DLC1: variants seen among roughly 807,000 people sequenced by gnomAD.
DLC1 encodes DLC1 Rho GTPase activating protein.
DLC1 carries 54 observed loss-of-function variants against 140.3 expected under a neutral mutation model. The ratio of observed to expected loss-of-function variants is 0.38; its 90% CI spans 0.31 to 0.48. DLC1 has a LOEUF of 0.48. Ranked by LOEUF, DLC1 falls within the 20% of genes least tolerant of loss-of-function variation. The probability of loss-of-function intolerance (pLI) is 0.96; values close to 1 mark genes in which losing one functional copy is unlikely to be tolerated. For synonymous variants in DLC1, 986 were observed against 728.1 expected, an observed-to-expected ratio of 1.35 and a Z score of -5.70; for missense variants, 2,536 against 1,907.0, an observed-to-expected ratio of 1.33 and a Z score of -6.14.
At chr8:13,343,408 T>C (rs1294225045) in intron 4 of DLC1, among the ~76,000 whole-genome samples, 4 of 152,138 alleles carry the variant, frequency 2.6e-5, no homozygotes, top group Non-Finnish European at 5.9e-5. Flanking sequence ...GATAACTGAA[T>C]GGAAAAAAGC....
At chr8:13,590,972 C>A (rs1349017621) in intron 1 of DLC1, among the ~76,000 whole-genome samples, 1 of 151,964 alleles carries the variant, frequency 6.6e-6, no homozygotes, top group Admixed American at 6.6e-5. Flanking sequence ...CCAATATTTT[C>A]TTCATTATAA....
chr8:13,181,153 A>G (rs1166500422), intron 5 of DLC1, among the ~76,000 whole-genome samples: 1 of 151,830 alleles, frequency 6.6e-6, no homozygotes, highest in Non-Finnish European at 1.5e-5. Flanking sequence ...TTTCTTGAAA[A>G]GAAACCCAGG....
rs183141443 is a variant in DLC1 at position 13,548,294 on chromosome 8, A to C, written c.-125-48098T>G. Among the ~76,000 whole-genome samples, 344 of 152,076 alleles carry C rather than the reference A, an allele frequency of 2.3e-3. 1 individual carries two copies. The highest frequency in any genetic ancestry group is 3.5e-3 in the Non-Finnish European group (237 of 67,936). On this transcript the variant is annotated intron_variant, in intron 1 of 1. Coordinates refer to the DLC1 transcript ENST00000631382. The stretch of plus-strand genomic sequence containing the variant: ...TGTTTCTATGGCATTATGTACTTGG[A>C]TATTGTCCATTTGTAACGCTCACAA...
At chr8:13,490,047 A>G (rs549121709) in intron 2 of DLC1, among the ~76,000 whole-genome samples, 15 of 63,552 alleles carry the variant, frequency 2.4e-4, no homozygotes, top group Admixed American at 1.6e-3. Flanking sequence ...CAAAGGTTAA[A>G]TACACCCCCC....
intron 1 of DLC1, among the ~76,000 whole-genome samples, chr8:13,593,994 T>C (rs7832721): frequency 0.042 from 6,382 of 151,984 alleles, 432 homozygotes; most frequent in African/African-American, 0.14. Flanking sequence ...ACCCTGTCTC[T>C]ACAAAAAAAT....
chr8:13,175,724 C>A (rs915313260), intron 5 of DLC1, among the ~76,000 whole-genome samples: 3 of 152,088 alleles, frequency 2.0e-5, no homozygotes, highest in African/African-American at 7.2e-5. Context: ...TTTGCATGTT[C>A]TTCTTTTTTC....
At chr8:13,589,055 T>C (rs1042065039) in intron 1 of DLC1, among the ~76,000 whole-genome samples, 12 of 152,074 alleles carry the variant, frequency 7.9e-5, no homozygotes, top group Non-Finnish European at 1.8e-4. Flanking sequence ...TAATTATGGG[T>C]TGCTAGTGCA....
chr8:13,429,209 T>C (rs913926665), intron 2 of DLC1, among the ~76,000 whole-genome samples: 8 of 152,212 alleles, frequency 5.3e-5, no homozygotes, highest in African/African-American at 1.7e-4. Context: ...ATAGGTCTTC[T>C]CCAAGGCCTA....
intron 1 of DLC1, among the ~76,000 whole-genome samples, chr8:13,569,120 A>G (rs546905555): frequency 1.3e-5 from 2 of 152,326 alleles, no homozygotes; most frequent in East Asian, 1.9e-4. Context: ...TTTTGAAAAC[A>G]CATTTATGGA....
chr8:13,581,859 C>T (rs1410922685), intron 1 of DLC1, among the ~76,000 whole-genome samples: 1 of 152,008 alleles, frequency 6.6e-6, no homozygotes. Context: ...TTTTGTTTTC[C>T]TATCTAAAAA....
intron 5 of DLC1, among the ~76,000 whole-genome samples, chr8:13,167,290 G>T (rs761559573): frequency 6.6e-6 from 1 of 152,066 alleles, no homozygotes; most frequent in Non-Finnish European, 1.5e-5. Flanking sequence ...ATGTTCTTAA[G>T]TCTAACTGCC....
At chr8:13,233,488 T>C (rs972465719) in intron 5 of DLC1, among the ~76,000 whole-genome samples, 2 of 151,982 alleles carry the variant, frequency 1.3e-5, no homozygotes. Flanking sequence ...AACAGTTAAA[T>C]TTTTTCCTCC....
At chr8:13,281,112 G>A (rs914943340) in intron 5 of DLC1, among the ~76,000 whole-genome samples, 5 of 152,206 alleles carry the variant, frequency 3.3e-5, no homozygotes, top group African/African-American at 4.8e-5. Context: ...TGTGATAACT[G>A]GCATCTAGCG....
chr8:13,542,907 A>G (rs1430082074), intron 1 of DLC1, among the ~76,000 whole-genome samples: 3 of 152,032 alleles, frequency 2.0e-5, no homozygotes, highest in Non-Finnish European at 2.9e-5. Context: ...TACGTAGTCT[A>G]TTACTGAAGA....
intron 1 of DLC1, among the ~76,000 whole-genome samples, chr8:13,544,990 C>A (rs571375135): frequency 6.6e-6 from 1 of 152,266 alleles, no homozygotes; most frequent in South Asian, 2.1e-4. Context: ...CCCCCTGGAA[C>A]TGTGCAGTAC....
chr8:13,147,102 A>C lies in DLC1; in HGVS notation c.1349-31445T>G, dbSNP rs189161621. 4.4e-3 allele frequency among the ~76,000 whole-genome samples: 674 copies of C among 152,356 alleles called. 2 individuals are homozygous for C. Among genetic ancestry groups the C allele is most frequent in the Admixed American group, 7.3e-3 (111 of 15,308 alleles). On this transcript the variant is annotated intron_variant, in intron 5 of 17. Transcript: ENST00000276297. ...TAACTGTACCTAGGAACCATTCATCAGTAACAAAAAAATATTCTTTGTCCT... is the reference window on the plus strand; with the variant it reads ...TAACTGTACCTAGGAACCATTCATCCGTAACAAAAAAATATTCTTTGTCCT...
At chr8:13,205,997 T>G (rs1338047661) in intron 5 of DLC1, among the ~76,000 whole-genome samples, 1 of 152,180 alleles carries the variant, frequency 6.6e-6, no homozygotes, top group Non-Finnish European at 1.5e-5. Flanking sequence ...AGATAGCCCC[T>G]TACTCTTTTT....
chr8:13,401,437 T>C, intron 3 of DLC1, 33 bp downstream of exon 3: 2 of 1,609,196 alleles, frequency 1.2e-6, no homozygotes, highest in Non-Finnish European at 8.5e-7. Context: ...TTACGACTCC[T>C]ATGGGAAAAG....
chr8:13,184,424 T>G (rs1162987081), intron 5 of DLC1, among the ~76,000 whole-genome samples: 1 of 152,230 alleles, frequency 6.6e-6, no homozygotes, highest in African/African-American at 2.4e-5. Context: ...CTGCTTTCTC[T>G]TGTGGGCATT....
Sources: gnomAD v4.1 joint callset for allele counts (sites outside exome capture counted in the v4.1 genomes callset) on GRCh38, gnomAD v4.1.1 for gene constraint, MANE v1.5 for transcripts, NCBI Gene and HGNC (gene_info 2026-07-23, HGNC 2026-07-21) for gene names.